HSPG2: variants seen among roughly 807,000 people sequenced by gnomAD.
HSPG2 encodes basement membrane-specific heparan sulfate proteoglycan core protein.
A neutral mutation model predicts 526.6 loss-of-function variants in HSPG2; 278 were observed. The ratio of observed to expected loss-of-function variants is 0.53; its 90% CI spans 0.48 to 0.58. The LOEUF is 0.58. Ranked by LOEUF, HSPG2 falls within the 20% of genes least tolerant of loss-of-function variation. The pLI, the probability that HSPG2 is intolerant of heterozygous loss-of-function variation, is 0.00. For synonymous variants in HSPG2, 2,465 were observed against 2,555.4 expected (o/e 0.96, Z 1.07); for missense variants, 5,354 against 6,099.5 (o/e 0.88, Z 4.07).
intron 87 of HSPG2, 29 bp downstream of exon 87, chr1:21,829,354 G>C: frequency 6.2e-7 from 1 of 1,603,116 alleles, no homozygotes. Context: ...TTGGTGTGCA[G>C]AGCCCCGCAT....
chr1:21,849,039 G>T lies in HSPG2; in HGVS notation c.7447-8C>A, dbSNP rs1638680086. ...TAGCCTCGAGCCATGCACCTGGGAG[G>T]GTCAGGAGGGAGGAGGCAGGCTCAG... On this transcript the variant is annotated splice_region_variant and splice_polypyrimidine_tract_variant and intron_variant, in intron 57 of 96. Coordinates refer to ENST00000374695, the MANE Select transcript of HSPG2 (RefSeq NM_005529.7). 6.2e-7 allele frequency: 1 copy of T among 1,613,120 alleles called. No individual in the cohort carries two copies. Among genetic ancestry groups the T allele is most frequent in the South Asian group, 1.1e-5 (1 of 91,082 alleles).
At chr1:21,891,512 C>T (rs750677387) in intron 3 of HSPG2, among the ~76,000 whole-genome samples, 1 of 152,248 alleles carries the variant, frequency 6.6e-6, no homozygotes. Context: ...TTCACGCCCG[C>T]ATCCCCAGTG....
chr1:21,841,603 G>C lies in HSPG2; in HGVS notation c.9264C>G (p.Thr3088=), dbSNP rs201662778. 1.9e-6 allele frequency: 3 copies of C among 1,614,212 alleles called. No individual in the cohort carries two copies. The highest frequency in any genetic ancestry group is 2.5e-6 in the Non-Finnish European group (3 of 1,180,016). The part of the protein sequence containing the change: ...IVGTRPSNHG[T]YRCVASNAYG... Reference sequence around the variant, plus strand: ...AGGCATTGGAGGCCACGCAGCGGTAGGTACCGTGGTTGCTGGGCCGGGTGC... The same window carrying C: ...AGGCATTGGAGGCCACGCAGCGGTACGTACCGTGGTTGCTGGGCCGGGTGC... Residue 3088 remains threonine (T), a synonymous_variant, in exon 70 of 97, where the codon ACC becomes ACG. Coordinates refer to ENST00000374695, the MANE Select transcript of HSPG2 (RefSeq NM_005529.7).
At chr1:21,929,088 A>ACTAT (rs1214900749) in intron 1 of HSPG2, among the ~76,000 whole-genome samples, 1 of 152,134 alleles carries the variant, frequency 6.6e-6, no homozygotes, top group Non-Finnish European at 1.5e-5. Context: ...GTGTTCACCT[A>ACTAT]CTATCTGCCT....
At position 21,859,527 on chromosome 1, in the gene HSPG2, G is replaced by C; in HGVS notation, c.5293+39C>G. On this transcript the variant is annotated intron_variant, in intron 42 of 96. Transcript: ENST00000374695. The surrounding 1 kb of genome is among the most constrained non-coding windows in gnomAD (Gnocchi z 5.3). ...AATCTGCAGCCTGCAGCCCAGCCCA[G>C]GACAGGCAGTCTTGGTTACAGGGGG... 6.9e-7 allele frequency: 1 copy of C among 1,442,168 alleles called. No homozygotes were observed. The highest frequency in any genetic ancestry group is 9.6e-7 in the Non-Finnish European group (1 of 1,045,072). 89.3% of individuals were successfully genotyped at this position (1,442,168 alleles called of 1,614,324 possible). A position where few individuals can be genotyped will look rare whatever the true frequency, so the allele number is the denominator to read the frequency against.
In HSPG2 at chr1:21,859,834, C is replaced by T; in HGVS notation, c.5182+1G>A. 6.2e-7 allele frequency: 1 copy of T among 1,611,320 alleles called. No homozygotes were observed. Among genetic ancestry groups the T allele is most frequent in the Non-Finnish European group, 8.5e-7 (1 of 1,179,594 alleles). On this transcript the variant is annotated splice_donor_variant, in intron 41 of 96. Transcript: ENST00000374695. LOFTEE classifies it high-confidence loss of function. The surrounding 1 kb of genome is among the most constrained non-coding windows in gnomAD (Gnocchi z 5.3). ...GCTGAGGAGCCTAGGGCCATGGGTA[C>T]CTTGATGTCGCTGCTGGGTGCCGCT...
chr1:21,840,953 C>T (rs890801000), intron 71 of HSPG2, 148 bp downstream of exon 71: 9 of 705,756 alleles, frequency 1.3e-5, no homozygotes, highest in African/African-American at 3.5e-5. Flanking sequence ...CCAGTCTATT[C>T]GTCATCCACC....
rs1489547840 is a variant in HSPG2 at position 21,895,325 on chromosome 1, T to C, written c.244+597A>G. ...CAGGGACTATAAGTCCCCATCCCAGTGCTGGGCCAGTCTGACCAGGGTGGG... is the reference window on the plus strand; with the variant it reads ...CAGGGACTATAAGTCCCCATCCCAGCGCTGGGCCAGTCTGACCAGGGTGGG... On this transcript the variant is annotated intron_variant, in intron 3 of 96. Transcript: ENST00000374695. This position sits in a 1 kb window ranked among gnomAD's most constrained non-coding sequence, Gnocchi z 4.1. Among the ~76,000 whole-genome samples the C allele has an allele frequency of 6.6e-6, 1 of 152,142 alleles. No individual in the cohort carries two copies. Among genetic ancestry groups the C allele is most frequent in the Non-Finnish European group, 1.5e-5 (1 of 67,982 alleles).
chr1:21,829,263 G>C (rs2097991227), intron 87 of HSPG2, 120 bp downstream of exon 87: 2 of 1,369,138 alleles, frequency 1.5e-6, no homozygotes, highest in South Asian at 2.4e-5. Flanking sequence ...GAAATGCACA[G>C]GAAGAGGGGA....
chr1:21,936,412 G>A (rs1346581365), intron 1 of HSPG2, among the ~76,000 whole-genome samples: 3 of 152,202 alleles, frequency 2.0e-5, no homozygotes, highest in African/African-American at 7.2e-5. Context: ...TCCCCCAAGG[G>A]TGCACTGCAT....
Position 21,908,573 on chromosome 1 carries a change from C to T in HSPG2, c.64-12263G>A, listed in dbSNP as rs548776168. ...CTGGAACCTATTCTCTATGAATTCA[C>T]GGCATAATAGGTATTTAAAAAAAAA... On this transcript the variant is annotated intron_variant, in intron 1 of 96. Coordinates refer to ENST00000374695, the MANE Select transcript of HSPG2 (RefSeq NM_005529.7). 128 of 727,522 alleles carry T rather than the reference C, an allele frequency of 1.8e-4. 1 individual carries two copies. The highest frequency in any genetic ancestry group is 1.5e-3 in the Middle Eastern group (4 of 2,618). The allele number at this position is 727,522 out of a possible 1,614,324, so 45.1% of individuals were successfully genotyped here.
intron 13 of HSPG2, 119 bp downstream of exon 13, chr1:21,884,409 G>A: frequency 1.5e-6 from 2 of 1,359,958 alleles, no homozygotes; most frequent in South Asian, 2.4e-5. Context: ...TGTTTCTTCA[G>A]CGACTCACAT....
At chr1:21,910,521 G>A (rs529587394) in intron 1 of HSPG2, among the ~76,000 whole-genome samples, 1 of 152,318 alleles carries the variant, frequency 6.6e-6, no homozygotes, top group Non-Finnish European at 1.5e-5. Context: ...GAATCCCAGT[G>A]TGTGAAAGCA....
chr1:21,874,373 G>A, intron 28 of HSPG2, 33 bp downstream of exon 28: 5 of 1,610,316 alleles, frequency 3.1e-6, no homozygotes, highest in Non-Finnish European at 4.2e-6. Flanking sequence ...GACATTTCAG[G>A]GAAGGGCAGG....
intron 33 of HSPG2, chr1:21,870,235 T>C: frequency 1.0e-6 from 1 of 986,090 alleles, no homozygotes; most frequent in Non-Finnish European, 1.2e-6. Flanking sequence ...CTGTGCCCAG[T>C]CCCTGCCCTC....
At chr1:21,885,993 T>C (rs1641868867) in intron 9 of HSPG2, among the ~76,000 whole-genome samples, 1 of 152,192 alleles carries the variant, frequency 6.6e-6, no homozygotes, top group Non-Finnish European at 1.5e-5. Flanking sequence ...TGGTGACCAA[T>C]GTTCTTCCTC....
At chr1:21,927,895 C>T (rs1644247699) in intron 1 of HSPG2, among the ~76,000 whole-genome samples, 1 of 152,250 alleles carries the variant, frequency 6.6e-6, no homozygotes, top group Non-Finnish European at 1.5e-5. Context: ...AAGCCCAGTA[C>T]AGGACCTGGG....
In HSPG2 at chr1:21,836,838, A is replaced by G; in HGVS notation, c.10319T>C (p.Leu3440Pro). 6.3e-7 allele frequency: 1 copy of G among 1,580,056 alleles called. No homozygotes were observed. Among genetic ancestry groups the G allele is most frequent in the Non-Finnish European group, 8.6e-7 (1 of 1,164,342 alleles). Reference protein sequence around the residue: ...QLRWFKEGGQLPPGHSVQDGV... With the variant: ...QLRWFKEGGQPPPGHSVQDGV... ...ATCCTGCACGCTGTGACCCGGAGGC[A>G]GCTGACCCCCTTCCTTGAACCAACG... The change falls in exon 75 of 97, where the codon CTG (leucine) becomes CCG (proline). Residue 3440 changes from leucine (L) to proline (P), a missense_variant. Physicochemically the swap from Leu to Pro is moderately conservative, Grantham distance 98. Coordinates refer to ENST00000374695, the MANE Select transcript of HSPG2 (RefSeq NM_005529.7).
chr1:21,885,077 T>C lies in HSPG2; in HGVS notation c.1291A>G (p.Ile431Val), dbSNP rs374330953. 1 of 1,613,654 alleles carries C rather than the reference T, an allele frequency of 6.2e-7. No homozygotes were observed. Among genetic ancestry groups the C allele is most frequent in the Middle Eastern group, 1.6e-4 (1 of 6,062 alleles). The change falls in exon 11 of 97, where the codon ATT (isoleucine) becomes GTT (valine). Residue 431 changes from isoleucine to valine, a missense_variant. Physicochemically the swap from Ile to Val is conservative, Grantham distance 29. Transcript: ENST00000374695. ...GQTVTFTCVAIGVPTPIINWR... is the reference protein window; with the variant it reads ...GQTVTFTCVAVGVPTPIINWR... ...TTGATGATGGGGGTGGGGACGCCAATGGCCACGCAGGTGAAGGTCACTGTC... is the reference window on the plus strand; with the variant it reads ...TTGATGATGGGGGTGGGGACGCCAACGGCCACGCAGGTGAAGGTCACTGTC...
Sources: gnomAD v4.1 joint callset for allele counts (sites outside exome capture counted in the v4.1 genomes callset) on GRCh38, gnomAD v4.1.1 for gene constraint, Gnocchi (gnomAD v3.1) non-coding constraint, MANE v1.5 for transcripts, NCBI Gene and HGNC (gene_info 2026-07-23, HGNC 2026-07-21) for gene names.